PTPRD: variants seen among roughly 807,000 people sequenced by gnomAD.
The protein encoded by PTPRD is receptor-type tyrosine-protein phosphatase delta.
In PTPRD, 34 loss-of-function variants were observed where a neutral mutation model predicts 214.5. The ratio of observed to expected loss-of-function variants is 0.16; its 90% CI spans 0.12 to 0.21. The LOEUF (loss-of-function observed/expected upper bound fraction) is 0.21. Ranked by LOEUF, PTPRD falls within the 10% of genes least tolerant of loss-of-function variation. PTPRD has a pLI of 1.00. For synonymous variants in PTPRD, 1,128 were observed against 845.7 expected (o/e 1.33, Z -5.79); for missense variants, 2,545 against 2,398.7 (o/e 1.06, Z -1.27).
intron 8 of PTPRD, among the ~76,000 whole-genome samples, chr9:9,432,943 C>G (rs2083787824): frequency 6.6e-6 from 1 of 152,092 alleles, no homozygotes; most frequent in Admixed American, 6.6e-5. Context: ...CAAATATTCA[C>G]TAAGAGCATC....
At chr9:9,970,602 A>G (rs967276280) in intron 4 of PTPRD, among the ~76,000 whole-genome samples, 1 of 152,126 alleles carries the variant, frequency 6.6e-6, no homozygotes, top group Admixed American at 6.5e-5. Context: ...CAAGCTAAAA[A>G]TCTTAGCAAA....
intron 3 of PTPRD, among the ~76,000 whole-genome samples, chr9:10,262,961 G>A (rs756190337): frequency 2.0e-4 from 30 of 152,130 alleles, no homozygotes; most frequent in Non-Finnish European, 4.3e-4. Flanking sequence ...TCTCGTGGTA[G>A]TGAATACATC....
chr9:9,442,723 A>T (rs1301449304), intron 8 of PTPRD, among the ~76,000 whole-genome samples: 1 of 152,220 alleles, frequency 6.6e-6, no homozygotes, highest in African/African-American at 2.4e-5. Context: ...GAAGAAACAG[A>T]GAATGTTGCC....
intron 3 of PTPRD, among the ~76,000 whole-genome samples, chr9:10,248,510 G>T (rs1296824554): frequency 9.0e-6 from 1 of 111,248 alleles, no homozygotes; most frequent in Non-Finnish European, 1.7e-5. Flanking sequence ...GGTACATATA[G>T]CAAAAAAAAA....
intron 3 of PTPRD, among the ~76,000 whole-genome samples, chr9:10,258,975 T>A (rs1356488008): frequency 1.3e-5 from 2 of 152,170 alleles, no homozygotes; most frequent in Non-Finnish European, 2.9e-5. Flanking sequence ...TTTAAAGGTA[T>A]CTGTTTCTGT....
intron 9 of PTPRD, among the ~76,000 whole-genome samples, chr9:9,259,323 A>G (rs528151568): frequency 6.6e-6 from 1 of 152,036 alleles, no homozygotes; most frequent in East Asian, 2.0e-4. Context: ...TATCTGCTAC[A>G]CAAAAATACA....
At chr9:9,387,242 T>G (rs1263801968) in intron 9 of PTPRD, among the ~76,000 whole-genome samples, 2 of 152,182 alleles carry the variant, frequency 1.3e-5, no homozygotes, top group Non-Finnish European at 2.9e-5. Context: ...GTTTTATCCT[T>G]CCTGGCAAAG....
intron 2 of PTPRD, among the ~76,000 whole-genome samples, chr9:10,505,687 T>TAA (rs35344275): frequency 8.2e-5 from 12 of 145,776 alleles, no homozygotes; most frequent in Admixed American, 4.1e-4. Flanking sequence ...AACAAAAAGT[T>TAA]AAAAAAAAAA....
chr9:9,760,183 T>C (rs150999257), intron 6 of PTPRD, among the ~76,000 whole-genome samples: 1,592 of 152,272 alleles, frequency 0.01, 24 homozygotes, highest in African/African-American at 0.036. Context: ...AAGCTTTTCC[T>C]GTCTCCCCGG....
At chr9:8,477,631 G>A (rs954169523) in intron 30 of PTPRD, among the ~76,000 whole-genome samples, 5 of 152,060 alleles carry the variant, frequency 3.3e-5, no homozygotes, top group African/African-American at 7.2e-5. Flanking sequence ...TGGCTTTACC[G>A]CTCCTTAAAT....
intron 3 of PTPRD, among the ~76,000 whole-genome samples, chr9:10,319,676 G>T (rs1462359014): frequency 1.3e-5 from 2 of 151,940 alleles, no homozygotes; most frequent in African/African-American, 4.8e-5. Context: ...AATGCAGTTA[G>T]AAGTATAACT....
intron 8 of PTPRD, among the ~76,000 whole-genome samples, chr9:9,491,770 G>A (rs1458720446): frequency 6.6e-6 from 1 of 151,900 alleles, no homozygotes; most frequent in East Asian, 1.9e-4. Flanking sequence ...CTCATGTGAT[G>A]CAGAAAAATT....
chr9:9,155,178 T>A (rs190982777), intron 10 of PTPRD, among the ~76,000 whole-genome samples: 4 of 152,200 alleles, frequency 2.6e-5, no homozygotes, highest in African/African-American at 9.6e-5. Flanking sequence ...CATTCTCTTT[T>A]GATTCTAGAA....
At chr9:8,862,670 T>C (rs976324871) in intron 11 of PTPRD, among the ~76,000 whole-genome samples, 15 of 152,232 alleles carry the variant, frequency 9.9e-5, no homozygotes, top group Non-Finnish European at 1.9e-4. Flanking sequence ...ATTTATGCTT[T>C]CTTTTTCCAC....
chr9:9,166,232 A>C (rs1445504065), intron 10 of PTPRD, among the ~76,000 whole-genome samples: 1 of 151,236 alleles, frequency 6.6e-6, no homozygotes, highest in Admixed American at 6.6e-5. Context: ...AATAGAGGAG[A>C]GTTGAGAGAA....
intron 3 of PTPRD, among the ~76,000 whole-genome samples, chr9:10,093,908 A>T (rs1025938906): frequency 4.0e-5 from 6 of 151,376 alleles, no homozygotes; most frequent in African/African-American, 1.5e-4. Flanking sequence ...ATATAAAGAT[A>T]GGAACAGTAG....
chr9:9,642,110 T>C (rs2095981516), intron 7 of PTPRD, among the ~76,000 whole-genome samples: 1 of 148,206 alleles, frequency 6.7e-6, no homozygotes, highest in Non-Finnish European at 1.5e-5. Context: ...TTCATATCCT[T>C]TGTAGGGACA....
Position 9,677,768 on chromosome 9 carries a change from G to A in PTPRD, c.-287+56765C>T, listed in dbSNP as rs570352058. 7.8e-4 allele frequency among the ~76,000 whole-genome samples: 118 copies of A among 152,146 alleles called. 1 individual carries two copies. The highest frequency in any genetic ancestry group is 2.6e-3 in the African/African-American group (108 of 41,520). ...AAAGGGCATTCAATTAGGAAAAGAG[G>A]AAGTCAAATCGTCCCTGTTTGCAGA... is the stretch of plus-strand genomic sequence containing the variant. On this transcript the variant is annotated intron_variant, in intron 7 of 45. Transcript: ENST00000381196.
chr9:10,250,124 G>C (rs2092632220), intron 3 of PTPRD, among the ~76,000 whole-genome samples: 1 of 151,946 alleles, frequency 6.6e-6, no homozygotes, highest in African/African-American at 2.4e-5. Context: ...TATTATCTGA[G>C]GATTATGATA....
Sources: allele counts gnomAD v4.1 joint callset (sites outside exome capture counted in the v4.1 genomes callset), GRCh38; gene constraint gnomAD v4.1.1; transcripts MANE v1.5; gene names NCBI Gene and HGNC (gene_info 2026-07-23, HGNC 2026-07-21).